Variants in MOV10L1 observed in about 807,000 individuals in gnomAD.
MOV10L1 encodes the protein Mov10 like RNA helicase 1, also known as RNA helicase Mov10l1.
Under a neutral mutation model 143.8 loss-of-function variants are expected in MOV10L1, and 110 were observed. The ratio of observed to expected loss-of-function variants is 0.76; its 90% CI spans 0.66 to 0.90. MOV10L1 has a LOEUF of 0.90. Among genes scored for constraint, MOV10L1 ranks in the 40% least tolerant of loss-of-function variants. The pLI is 0.00. For synonymous variants in MOV10L1, 593 were observed against 581.1 expected, an observed-to-expected ratio of 1.02 and a Z score of -0.29; for missense variants, 1,406 against 1,526.8, an observed-to-expected ratio of 0.92 and a Z score of 1.32.
chr22:50,150,531 G>A (rs563832928), intron 20 of MOV10L1, among the ~76,000 whole-genome samples: 2 of 152,300 alleles, frequency 1.3e-5, no homozygotes, highest in South Asian at 2.1e-4. Flanking sequence ...CTTCGGGGAG[G>A]CAGATGGCAG....
At chr22:50,116,579 T>G (rs2062184139) in intron 8 of MOV10L1, among the ~76,000 whole-genome samples, 1 of 152,056 alleles carries the variant, frequency 6.6e-6, no homozygotes, top group Non-Finnish European at 1.5e-5. Context: ...CATAAAATTC[T>G]GACTTAAAAT....
At chr22:50,091,273 G>T (rs997360931) in intron 1 of MOV10L1, 1 of 167,268 alleles carries the variant, frequency 6.0e-6, no homozygotes, top group Non-Finnish European at 1.5e-5. Flanking sequence ...TGTAACCGTC[G>T]CCCCAGGTTC....
intron 17 of MOV10L1, 49 bp downstream of exon 17, chr22:50,143,270 G>T: frequency 1.3e-6 from 2 of 1,568,380 alleles, no homozygotes; most frequent in South Asian, 2.2e-5. Context: ...TGCTGTTCAT[G>T]TGTCGTCTGT....
At chr22:50,111,960 C>G (rs748897044) in intron 5 of MOV10L1, among the ~76,000 whole-genome samples, 48 of 152,178 alleles carry the variant, frequency 3.2e-4, no homozygotes, top group Non-Finnish European at 6.5e-4. Flanking sequence ...CTGGCTGGGC[C>G]TCTGGGTGCA....
At chr22:50,141,735 G>A (rs1472496920) in intron 15 of MOV10L1, among the ~76,000 whole-genome samples, 1 of 152,052 alleles carries the variant, frequency 6.6e-6, no homozygotes, top group African/African-American at 2.4e-5. Context: ...ACCCTTGACT[G>A]TCCCCTGCAG....
intron 2 of MOV10L1, 27 bp from the exon 3 acceptor site, chr22:50,099,416 G>T (rs748000558): frequency 6.2e-7 from 1 of 1,610,784 alleles, no homozygotes; most frequent in South Asian, 1.1e-5. Context: ...TCGTATTATG[G>T]TTTAGAGCGG....
intron 10 of MOV10L1, among the ~76,000 whole-genome samples, chr22:50,123,964 G>A (rs1008107536): frequency 1.2e-4 from 18 of 152,034 alleles, no homozygotes; most frequent in Admixed American, 4.6e-4. Context: ...TTTTATTTCC[G>A]TAGATTCTGT....
chr22:50,117,830 T>A (rs1201174772), intron 9 of MOV10L1, among the ~76,000 whole-genome samples: 1 of 152,160 alleles, frequency 6.6e-6, no homozygotes, highest in Non-Finnish European at 1.5e-5. Context: ...GATCTGGGAC[T>A]TGTGGCTGGG....
intron 9 of MOV10L1, among the ~76,000 whole-genome samples, chr22:50,119,805 CTT>C (rs2147184142): frequency 6.6e-6 from 1 of 151,846 alleles, no homozygotes; most frequent in South Asian, 2.1e-4. Context: ...GGGCTTCTCT[CTT>C]GGGTGAGACT....
chr22:50,135,264 G>A (rs1200723683), intron 15 of MOV10L1, among the ~76,000 whole-genome samples: 4 of 151,528 alleles, frequency 2.6e-5, no homozygotes, highest in Admixed American at 6.6e-5. Flanking sequence ...CACCCTCCTC[G>A]GCCTCCCAAA....
At chr22:50,148,388 C>A (rs1446860384) in intron 19 of MOV10L1, among the ~76,000 whole-genome samples, 1 of 152,196 alleles carries the variant, frequency 6.6e-6, no homozygotes, top group Non-Finnish European at 1.5e-5. Context: ...ATGTGCCGAG[C>A]GAGCTCCTGC....
chr22:50,151,656 C>T (rs972202109), intron 21 of MOV10L1, among the ~76,000 whole-genome samples: 5 of 152,212 alleles, frequency 3.3e-5, no homozygotes, highest in African/African-American at 7.2e-5. Flanking sequence ...CCAGAGGGCG[C>T]CTGAGAGCTC....
intron 22 of MOV10L1, among the ~76,000 whole-genome samples, chr22:50,153,960 A>C (rs1439321843): frequency 3.3e-5 from 5 of 152,112 alleles, no homozygotes; most frequent in African/African-American, 1.2e-4. Flanking sequence ...TCCAGGTTAC[A>C]CCATTTGGCT....
At chr22:50,155,035 T>A (rs1326817947) in intron 22 of MOV10L1, among the ~76,000 whole-genome samples, 1 of 152,190 alleles carries the variant, frequency 6.6e-6, no homozygotes, top group Non-Finnish European at 1.5e-5. Context: ...TTCTTTATCT[T>A]TCTTAGTCAT....
chr22:50,110,578 TTTG>T (rs1265788714), intron 5 of MOV10L1, among the ~76,000 whole-genome samples: 2 of 152,214 alleles, frequency 1.3e-5, no homozygotes, highest in Admixed American at 1.3e-4. Flanking sequence ...ATTTTTCTGT[TTTG>T]TTGTTTCACA....
intron 10 of MOV10L1, among the ~76,000 whole-genome samples, chr22:50,121,041 A>G (rs1054838314): frequency 4.6e-5 from 7 of 152,268 alleles, no homozygotes; most frequent in Non-Finnish European, 1.0e-4. Flanking sequence ...CATGGGAGAC[A>G]GAGGAGCACG....
intron 1 of MOV10L1, chr22:50,090,745 C>G: frequency 1.9e-6 from 1 of 526,184 alleles, no homozygotes; most frequent in South Asian, 2.2e-5. Flanking sequence ...GGCGCAATCT[C>G]GGCTCACCGC....
chr22:50,107,775 C>T (rs1008953252), intron 3 of MOV10L1, among the ~76,000 whole-genome samples: 4 of 152,152 alleles, frequency 2.6e-5, no homozygotes, highest in Admixed American at 6.5e-5. Flanking sequence ...TCTCTGTTCC[C>T]GAACACCGTG....
intron 26 of MOV10L1, 34 bp from the exon 27 acceptor site, chr22:50,161,334 G>A (rs752898401): frequency 3.3e-5 from 50 of 1,511,582 alleles, no homozygotes; most frequent in Admixed American, 2.1e-4. Flanking sequence ...TGGGAGCCTG[G>A]CTCACTGGCC....
Sources: allele counts gnomAD v4.1 joint callset (sites outside exome capture counted in the v4.1 genomes callset), GRCh38; gene constraint gnomAD v4.1.1; transcripts MANE v1.5; gene names NCBI Gene and HGNC (gene_info 2026-07-23, HGNC 2026-07-21).